Variants in CLMP observed in about 807,000 individuals in gnomAD.
CLMP encodes CXADR-like membrane protein.
A neutral mutation model predicts 45.2 loss-of-function variants in CLMP; 27 were observed. That is an observed-to-expected ratio of 0.60 (90% CI 0.44 to 0.82). The LOEUF is 0.82. Among genes scored for constraint, CLMP ranks in the 40% least tolerant of loss-of-function variants. CLMP has a pLI of 0.00. For synonymous variants in CLMP, 167 were observed against 171.4 expected, an observed-to-expected ratio of 0.97 and a Z score of 0.20; for missense variants, 403 against 448.4, an observed-to-expected ratio of 0.90 and a Z score of 0.91.
At chr11:123,082,888 TG>T (rs1865822230) in intron 5 of CLMP, among the ~76,000 whole-genome samples, 196 bp downstream of exon 5, 1 of 152,194 alleles carries the variant, frequency 6.6e-6, no homozygotes. Flanking sequence ...ATTACAGGTG[TG>T]AGCCACTGTG....
rs147441857 is a variant in CLMP, at chr11:123,097,134, G to A, written c.186+661C>T. Among the ~76,000 whole-genome samples, 564 of 152,112 alleles carry A rather than the reference G, an allele frequency of 3.7e-3. 2 individuals carry two copies. Among genetic ancestry groups the A allele is most frequent in the African/African-American group, 0.013 (544 of 41,502 alleles). On this transcript the variant is annotated intron_variant, in intron 2 of 6. Transcript: ENST00000448775. ...CCCAAAGTGTTGGGATTGCAGGTGT[G>A]AGTCACTGCACCCGGCCTGACAACT...
intron 1 of CLMP, among the ~76,000 whole-genome samples, chr11:123,116,516 C>T (rs533706807): frequency 4.6e-5 from 7 of 151,566 alleles, no homozygotes; most frequent in Admixed American, 6.6e-5. Flanking sequence ...CACATTGAGC[C>T]GAGATCACAC....
intron 1 of CLMP, among the ~76,000 whole-genome samples, chr11:123,185,363 A>G (rs1031747867): frequency 6.6e-6 from 1 of 151,922 alleles, no homozygotes. Flanking sequence ...GCCAGATCTG[A>G]GGGCAGGCCA....
At chr11:123,131,646 G>A (rs560204518) in intron 1 of CLMP, among the ~76,000 whole-genome samples, 3 of 151,202 alleles carry the variant, frequency 2.0e-5, no homozygotes, top group Admixed American at 6.6e-5. Flanking sequence ...ATGGAGTTTC[G>A]CTCTTGTTGC....
At chr11:123,076,002 G>A (rs190725592) in intron 5 of CLMP, among the ~76,000 whole-genome samples, 132 of 152,106 alleles carry the variant, frequency 8.7e-4, no homozygotes, top group Middle Eastern at 6.8e-3. Context: ...GCAAAACCCC[G>A]TCTCTACTAA....
At chr11:123,085,776 T>TG (rs1204354799) in intron 2 of CLMP, among the ~76,000 whole-genome samples, 1 of 147,440 alleles carries the variant, frequency 6.8e-6, no homozygotes, top group Non-Finnish European at 1.5e-5. Context: ...TATGTTTTTT[T>TG]TTTTTTGTTT....
At chr11:123,157,073 C>G (rs1861424274) in intron 1 of CLMP, among the ~76,000 whole-genome samples, 1 of 152,136 alleles carries the variant, frequency 6.6e-6, no homozygotes, top group Admixed American at 6.5e-5. Flanking sequence ...GCTCTGAATT[C>G]CAAAACAAAA....
chr11:123,157,382 C>A (rs1214116241), intron 1 of CLMP, among the ~76,000 whole-genome samples: 1 of 151,954 alleles, frequency 6.6e-6, no homozygotes, highest in African/African-American at 2.4e-5. Context: ...TGGAGAAACC[C>A]CATCTCTACT....
rs189693921 is a variant in CLMP at position 123,140,260 on chromosome 11, G to A, written c.29-42308C>T. Among the ~76,000 whole-genome samples the A allele has an allele frequency of 3.2e-3, 489 of 152,270 alleles. 3 individuals are homozygous for A. The highest frequency in any genetic ancestry group is 0.031 in the Middle Eastern group (9 of 294). ...GAAAATAGTACTAGGGTTACTAGTA[G>A]GAGGAGGAGAAAAATTAAACCTAAA... On this transcript the variant is annotated intron_variant, in intron 1 of 6. Transcript: ENST00000448775.
Position 123,187,515 on chromosome 11 carries a change from A to T in CLMP, c.28+7398T>A, listed in dbSNP as rs553087123. Reference sequence around the variant, plus strand: ...CTACCAAGAAAAGAAGTATGACTACACTGGGGCTGAGTCTCTGCTTAGTAC... The same window carrying T: ...CTACCAAGAAAAGAAGTATGACTACTCTGGGGCTGAGTCTCTGCTTAGTAC... On this transcript the variant is annotated intron_variant, in intron 1 of 6. Transcript: ENST00000448775. Among the ~76,000 whole-genome samples, 8 of 152,280 alleles carry T rather than the reference A, an allele frequency of 5.3e-5. No individual in the cohort carries two copies. The East Asian group carries it at 1.5e-3, about 29-fold the overall frequency.
At chr11:123,140,272 A>T (rs554372086) in intron 1 of CLMP, among the ~76,000 whole-genome samples, 15 of 152,254 alleles carry the variant, frequency 9.9e-5, no homozygotes, top group African/African-American at 3.6e-4. Flanking sequence ...AGGAGGAGAA[A>T]AATTAAACCT....
chr11:123,159,057 A>G (rs1240962552), intron 1 of CLMP, among the ~76,000 whole-genome samples: 2 of 152,246 alleles, frequency 1.3e-5, no homozygotes, highest in Admixed American at 6.5e-5. Flanking sequence ...AGTAGTTGCT[A>G]TGTAGGCCTA....
At chr11:123,188,408 TC>T (rs1861861276) in intron 1 of CLMP, among the ~76,000 whole-genome samples, 2 of 15,236 alleles carry the variant, frequency 1.3e-4, no homozygotes, top group South Asian at 5.7e-3. Flanking sequence ...CTCTGTGCCT[TC>T]CTCCTCCTCT....
chr11:123,175,104 C>G (rs1861680837), intron 1 of CLMP, among the ~76,000 whole-genome samples: 1 of 152,120 alleles, frequency 6.6e-6, no homozygotes, highest in African/African-American at 2.4e-5. Context: ...TGGGCCTGCA[C>G]CACCATGCCT....
At chr11:123,183,563 A>G (rs1242716329) in intron 1 of CLMP, among the ~76,000 whole-genome samples, 2 of 152,202 alleles carry the variant, frequency 1.3e-5, no homozygotes, top group African/African-American at 4.8e-5. Flanking sequence ...AAGATACTCT[A>G]CTACTAGGGT....
chr11:123,113,827 A>G (rs933486060), intron 1 of CLMP, among the ~76,000 whole-genome samples: 2 of 152,354 alleles, frequency 1.3e-5, no homozygotes, highest in Non-Finnish European at 2.9e-5. Flanking sequence ...ATTCAGAAAT[A>G]CAGCAGGTAC....
At chr11:123,141,700 C>T (rs1861161298) in intron 1 of CLMP, among the ~76,000 whole-genome samples, 1 of 152,096 alleles carries the variant, frequency 6.6e-6, no homozygotes, top group African/African-American at 2.4e-5. Context: ...CTGTGAAATG[C>T]TAAGGTGTTT....
chr11:123,142,141 T>C (rs1861170475), intron 1 of CLMP, among the ~76,000 whole-genome samples: 1 of 152,026 alleles, frequency 6.6e-6, no homozygotes, highest in South Asian at 2.1e-4. Context: ...CATGCCACTA[T>C]ACCTGACTAA....
intron 1 of CLMP, among the ~76,000 whole-genome samples, chr11:123,118,750 C>T (rs907373381): frequency 2.0e-5 from 3 of 152,104 alleles, no homozygotes; most frequent in African/African-American, 7.2e-5. Flanking sequence ...AATGCCAAGT[C>T]ATTTCCCCTG....
Sources: allele counts gnomAD v4.1 joint callset (sites outside exome capture counted in the v4.1 genomes callset), GRCh38; gene constraint gnomAD v4.1.1; transcripts MANE v1.5; gene names NCBI Gene and HGNC (gene_info 2026-07-23, HGNC 2026-07-21).